Variants in CAMTA1 observed in about 807,000 individuals in gnomAD.
The protein encoded by CAMTA1 is calmodulin binding transcription activator 1.
Under a neutral mutation model 170.9 loss-of-function variants are expected in CAMTA1, and 27 were observed. The ratio of observed to expected loss-of-function variants is 0.16; its 90% CI spans 0.12 to 0.22. The LOEUF is 0.22. Ranked by LOEUF, CAMTA1 falls within the 10% of genes least tolerant of loss-of-function variation. The pLI is 1.00. For missense variants in CAMTA1, 1,619 were observed against 2,217.2 expected (o/e 0.73, Z 5.42); for synonymous variants, 833 against 891.5 (o/e 0.93, Z 1.17).
At chr1:7,228,287 G>A (rs1574039283) in intron 4 of CAMTA1, among the ~76,000 whole-genome samples, 1 of 152,188 alleles carries the variant, frequency 6.6e-6, no homozygotes, top group South Asian at 2.1e-4. Context: ...CAAAACAAGG[G>A]TGGTGTTGCG....
chr1:7,576,208 C>T (rs2095190870), intron 6 of CAMTA1, among the ~76,000 whole-genome samples: 1 of 152,140 alleles, frequency 6.6e-6, no homozygotes. Flanking sequence ...CGGGGTTCCT[C>T]CATGTTGGCC....
Position 7,534,767 on chromosome 1 carries a change from G to T in CAMTA1, c.510+66866G>T, listed in dbSNP as rs995839159. ...GGCCTGGGGGGCTGCTGCTGGGTCA[G>T]TTTGGGGTTCCACTAGCAGTCCTCA... On this transcript the variant is annotated intron_variant, in intron 6 of 22. Coordinates refer to ENST00000303635, the MANE Select transcript of CAMTA1 (RefSeq NM_015215.4). This position sits in a 1 kb window ranked among gnomAD's most constrained non-coding sequence, Gnocchi z 5.6. Among the ~76,000 whole-genome samples the T allele has an allele frequency of 1.3e-5, 2 of 152,210 alleles. No individual in the cohort carries two copies. The highest frequency in any genetic ancestry group is 2.4e-5 in the African/African-American group (1 of 41,452).
At chr1:7,721,429 G>A (rs541080023) in intron 11 of CAMTA1, among the ~76,000 whole-genome samples, 57 of 152,212 alleles carry the variant, frequency 3.7e-4, no homozygotes, top group Non-Finnish European at 8.1e-4. Flanking sequence ...CTGGCTTACT[G>A]TAGATGTCCA....
At chr1:7,425,826 T>G (rs968025758) in intron 5 of CAMTA1, among the ~76,000 whole-genome samples, 2 of 152,138 alleles carry the variant, frequency 1.3e-5, no homozygotes, top group African/African-American at 4.8e-5. Context: ...CCCTTTCACT[T>G]TGGGCCCTGG....
chr1:7,216,668 G>A lies in CAMTA1; in HGVS notation c.303-32823G>A, dbSNP rs1441819190. On this transcript the variant is annotated intron_variant, in intron 4 of 22. Transcript: ENST00000303635. This position sits in a 1 kb window ranked among gnomAD's most constrained non-coding sequence, Gnocchi z 4.0. ...TGAGACTACAGGCAGGTACCACCAC[G>A]CCTGGCTAATTTTTGTGTTTTTAGT... Among the ~76,000 whole-genome samples the A allele has an allele frequency of 6.6e-6, 1 of 151,994 alleles. No individual in the cohort carries two copies. The highest frequency in any genetic ancestry group is 6.6e-5 in the Admixed American group (1 of 15,260).
At chr1:7,505,726 C>G (rs1368658652) in intron 6 of CAMTA1, among the ~76,000 whole-genome samples, 1 of 152,136 alleles carries the variant, frequency 6.6e-6, no homozygotes, top group Non-Finnish European at 1.5e-5. Flanking sequence ...GGAATGTCCT[C>G]GGGTGGCACA....
In CAMTA1 at chr1:7,607,547, G is replaced by T. The variant is rs115888231; in HGVS notation, c.511-32853G>T. On this transcript the variant is annotated intron_variant, in intron 6 of 22. Coordinates refer to ENST00000303635, the MANE Select transcript of CAMTA1 (RefSeq NM_015215.4). ...GTTGATGGATGGAAGATGAGTGGAT[G>T]GGTAGTGCATATATGGAGGGGTGGG... Among the ~76,000 whole-genome samples the T allele has an allele frequency of 9.3e-3, 1,415 of 152,170 alleles. 25 individuals carry two copies. The highest frequency in any genetic ancestry group is 0.033 in the African/African-American group (1,364 of 41,480).
At chr1:7,116,996 T>G (rs1401055004) in intron 4 of CAMTA1, among the ~76,000 whole-genome samples, 1 of 150,666 alleles carries the variant, frequency 6.6e-6, no homozygotes, top group Non-Finnish European at 1.5e-5. Flanking sequence ...TTGACAGAGT[T>G]TTGCTCTTGT....
intron 4 of CAMTA1, among the ~76,000 whole-genome samples, chr1:7,236,784 C>T (rs1240917378): frequency 2.6e-5 from 4 of 152,164 alleles, no homozygotes; most frequent in South Asian, 2.1e-4. Flanking sequence ...GTCCAGGCCA[C>T]GTACCTCTAA....
chr1:7,127,947 C>G (rs966183805), intron 4 of CAMTA1, among the ~76,000 whole-genome samples: 11 of 152,198 alleles, frequency 7.2e-5, no homozygotes, highest in Admixed American at 2.0e-4. Flanking sequence ...AGGATTAGAG[C>G]GGCTCACAGT....
At chr1:7,567,360 C>T (rs542991115) in intron 6 of CAMTA1, among the ~76,000 whole-genome samples, 5 of 152,330 alleles carry the variant, frequency 3.3e-5, no homozygotes, top group South Asian at 2.1e-4. Flanking sequence ...AGGAGAGCCT[C>T]CACACTCGAC....
At chr1:7,647,674 G>C (rs1437070300) in intron 7 of CAMTA1, among the ~76,000 whole-genome samples, 2 of 152,230 alleles carry the variant, frequency 1.3e-5, no homozygotes, top group Non-Finnish European at 2.9e-5. Context: ...CTCCAGCTCA[G>C]TCGATCCTGA....
At chr1:7,310,647 T>TCTTTTCTTTC (rs61161982) in intron 5 of CAMTA1, among the ~76,000 whole-genome samples, 6 of 49,180 alleles carry the variant, frequency 1.2e-4, no homozygotes, top group African/African-American at 4.0e-4. Flanking sequence ...TTTCTTTCTT[T>TCTTTTCTTTC]TTTCTTTCTT....
chr1:7,747,163 G>A (rs977402385), intron 18 of CAMTA1, among the ~76,000 whole-genome samples: 1 of 152,190 alleles, frequency 6.6e-6, no homozygotes, highest in African/African-American at 2.4e-5. Flanking sequence ...ATAAAGTAAG[G>A]TGACCCCTCT....
chr1:7,196,793 T>C (rs771356633), intron 4 of CAMTA1, among the ~76,000 whole-genome samples: 3 of 152,236 alleles, frequency 2.0e-5, no homozygotes, highest in Admixed American at 6.5e-5. Context: ...GTCCATAGCA[T>C]GTCATTATGA....
rs550596640 is a variant in CAMTA1, at chr1:6,890,833, A to G, written c.234+65623A>G. Among the ~76,000 whole-genome samples the G allele has an allele frequency of 3.9e-5, 6 of 152,098 alleles. No individual in the cohort carries two copies. The East Asian group carries it at 5.8e-4, about 15-fold the overall frequency. ...AGCAGTTTTCCTGCTTTCCTCCCCA[A>G]ATGCTAGGATTATAGGTGATGAGCC... On this transcript the variant is annotated intron_variant, in intron 3 of 22. Transcript: ENST00000303635.
At chr1:7,528,213 G>GA (rs1486346234) in intron 6 of CAMTA1, among the ~76,000 whole-genome samples, 4 of 151,702 alleles carry the variant, frequency 2.6e-5, no homozygotes, top group East Asian at 1.9e-4. Flanking sequence ...TGTTGGTAAT[G>GA]AAAAAAAACA....
chr1:6,935,387 A>G (rs534498107), intron 3 of CAMTA1, among the ~76,000 whole-genome samples: 2 of 151,980 alleles, frequency 1.3e-5, no homozygotes. Context: ...TGGCACCTGC[A>G]GCAAAAAAAA....
At chr1:7,522,279 C>T (rs2094375834) in intron 6 of CAMTA1, among the ~76,000 whole-genome samples, 1 of 152,152 alleles carries the variant, frequency 6.6e-6, no homozygotes, top group Non-Finnish European at 1.5e-5. Context: ...TGCTTACATG[C>T]CATCTGTATA....
Sources: allele counts gnomAD v4.1 joint callset (sites outside exome capture counted in the v4.1 genomes callset), GRCh38; gene constraint gnomAD v4.1.1; non-coding constraint Gnocchi (gnomAD v3.1); transcripts MANE v1.5; gene names NCBI Gene and HGNC (gene_info 2026-07-23, HGNC 2026-07-21).